GNB4: variants seen among roughly 807,000 people sequenced by gnomAD.
GNB4 encodes guanine nucleotide-binding protein subunit beta-4.
A neutral mutation model predicts 45.2 loss-of-function variants in GNB4; 28 were observed. The ratio of observed to expected loss-of-function variants is 0.62; its 90% confidence interval spans 0.46 to 0.85. The LOEUF (loss-of-function observed/expected upper bound fraction) is 0.85, where lower values mean the gene tolerates loss of function less well. Among genes scored for constraint, GNB4 ranks in the 40% least tolerant of loss-of-function variants. GNB4 has a pLI of 0.00. For missense variants in GNB4, 321 were observed against 425.4 expected, an observed-to-expected ratio of 0.75 and a Z score of 2.16; for synonymous variants, 132 against 143.7, an observed-to-expected ratio of 0.92 and a Z score of 0.58.
the GNB4 span, among the ~76,000 whole-genome samples, chr3:179,519,895 G>A: frequency 1.4e-4 from 21 of 152,160 alleles, no homozygotes; most frequent in South Asian, 1.2e-3. Flanking sequence ...GTTATCACTC[G>A]CCTGCTACAG....
At chr3:179,460,533 G>A in the GNB4 span, among the ~76,000 whole-genome samples, 10 of 152,292 alleles carry the variant, frequency 6.6e-5, no homozygotes, top group African/African-American at 2.4e-4. Flanking sequence ...TTATGAATAA[G>A]TGTTTCATCT....
chr3:179,440,701 C>A (rs1715571668), intron 1 of GNB4, among the ~76,000 whole-genome samples: 1 of 151,940 alleles, frequency 6.6e-6, no homozygotes, highest in Non-Finnish European at 1.5e-5. Context: ...GTCATCAATG[C>A]AGAATCTAAA....
the GNB4 span, among the ~76,000 whole-genome samples, chr3:179,470,811 G>A: frequency 6.6e-6 from 1 of 152,086 alleles, no homozygotes; most frequent in Non-Finnish European, 1.5e-5. Context: ...TGTACAGTGT[G>A]TCTGCGTTTT....
chr3:179,444,560 C>T (rs190875733), intron 1 of GNB4, among the ~76,000 whole-genome samples: 2 of 151,842 alleles, frequency 1.3e-5, no homozygotes, highest in Non-Finnish European at 1.5e-5. Context: ...TTTAAATACA[C>T]AGTTTCATCG....
intron 4 of GNB4, among the ~76,000 whole-genome samples, chr3:179,418,088 A>G (rs779327252): frequency 6.6e-6 from 1 of 152,208 alleles, no homozygotes; most frequent in African/African-American, 2.4e-5. Flanking sequence ...AACCATAAAC[A>G]TTGTTTCAAG....
the GNB4 span, among the ~76,000 whole-genome samples, chr3:179,463,598 A>G: frequency 0.054 from 8,293 of 152,258 alleles, 319 homozygotes; most frequent in Middle Eastern, 0.2. Flanking sequence ...AAGAGCACTA[A>G]GATTTGTACC....
chr3:179,486,019 T>TCAAGACCAGCCTGGC, the GNB4 span, among the ~76,000 whole-genome samples: 1 of 151,968 alleles, frequency 6.6e-6, no homozygotes, highest in South Asian at 2.1e-4. Context: ...GGTCAGTAGT[T>TCAAGACCAGCCTGGC]CAAGACCAGC....
At chr3:179,515,449 A>C in the GNB4 span, among the ~76,000 whole-genome samples, 1 of 151,962 alleles carries the variant, frequency 6.6e-6, no homozygotes, top group Admixed American at 6.5e-5. Context: ...GGATTTGGGT[A>C]GGTAGTAGAA....
chr3:179,449,878 T>C (rs753788384), intron 1 of GNB4, among the ~76,000 whole-genome samples: 8 of 152,226 alleles, frequency 5.3e-5, no homozygotes, highest in African/African-American at 1.4e-4. Flanking sequence ...ATTTTCAAAT[T>C]GCCCCAGAGT....
the GNB4 span, among the ~76,000 whole-genome samples, chr3:179,485,322 T>A: frequency 1.3e-5 from 2 of 152,070 alleles, no homozygotes; most frequent in Admixed American, 1.3e-4. Context: ...CATGGCAACT[T>A]TATAGAACAT....
At chr3:179,406,226 G>C (rs112531339) in intron 8 of GNB4, among the ~76,000 whole-genome samples, 1 of 151,994 alleles carries the variant, frequency 6.6e-6, no homozygotes, top group Non-Finnish European at 1.5e-5. Flanking sequence ...TAGCCTTCCT[G>C]GGTCATTTTG....
chr3:179,525,449 G>A, the GNB4 span, among the ~76,000 whole-genome samples: 1 of 152,166 alleles, frequency 6.6e-6, no homozygotes, highest in East Asian at 1.9e-4. Flanking sequence ...AGAGAAAAGA[G>A]AGGGTAGAGA....
At chr3:179,519,518 C>T in the GNB4 span, among the ~76,000 whole-genome samples, 1 of 152,192 alleles carries the variant, frequency 6.6e-6, no homozygotes, top group East Asian at 1.9e-4. Flanking sequence ...GATGGCCAGG[C>T]TTCTAAACCT....
At chr3:179,455,159 C>A (rs2108629072), upstream of GNB4, among the ~76,000 whole-genome samples, 1 of 152,270 alleles carries the variant, frequency 6.6e-6, no homozygotes, top group Middle Eastern at 3.4e-3. Flanking sequence ...TGGAATCTGT[C>A]ATCCAAGTGC....
At chr3:179,413,000 C>T (rs1714693867) in intron 8 of GNB4, among the ~76,000 whole-genome samples, 1 of 151,900 alleles carries the variant, frequency 6.6e-6, no homozygotes, top group African/African-American at 2.4e-5. Flanking sequence ...GACAACATGG[C>T]AAAACCCCAT....
chr3:179,495,532 C>G, the GNB4 span, among the ~76,000 whole-genome samples: 1 of 127,400 alleles, frequency 7.8e-6, no homozygotes, highest in Non-Finnish European at 1.7e-5. Flanking sequence ...AAAGAAAAAA[C>G]AAGAGGAGAA....
chr3:179,497,919 A>G, the GNB4 span, among the ~76,000 whole-genome samples: 3 of 152,214 alleles, frequency 2.0e-5, no homozygotes, highest in Non-Finnish European at 4.4e-5. Context: ...ATGTGGAGAA[A>G]AGAGAATCTT....
chr3:179,429,673 G>T (rs865877790), intron 1 of GNB4, among the ~76,000 whole-genome samples: 1 of 152,056 alleles, frequency 6.6e-6, no homozygotes, highest in East Asian at 1.9e-4. Context: ...AACAGCAAAA[G>T]CAAAACCCTG....
chr3:179,437,306 T>C (rs113419252), intron 1 of GNB4, among the ~76,000 whole-genome samples: 2,831 of 152,222 alleles, frequency 0.019, 90 homozygotes, highest in African/African-American at 0.064. Context: ...ACTAAGAACC[T>C]ATAACCCCAG....
Sources: allele counts gnomAD v4.1 joint callset (sites outside exome capture counted in the v4.1 genomes callset), GRCh38; gene constraint gnomAD v4.1.1; transcripts MANE v1.5; gene names NCBI Gene and HGNC (gene_info 2026-07-23, HGNC 2026-07-21).